The following FGD6 variants were observed in gnomAD, a reference collection of about 807,000 sequenced individuals.
FGD6 encodes FYVE, RhoGEF and PH domain containing 6.
In FGD6, 90 loss-of-function variants were observed where a neutral mutation model predicts 149.4. The observed-to-expected ratio is 0.60, with a 90% CI of 0.51 to 0.72. The LOEUF (loss-of-function observed/expected upper bound fraction) is 0.72, where lower values mean the gene tolerates loss of function less well. FGD6 is among the 30% of genes least tolerant of loss of function. The pLI is 0.00. For missense variants in FGD6, 1,437 were observed against 1,684.8 expected (o/e 0.85, Z 2.57); for synonymous variants, 527 against 584.0 (o/e 0.90, Z 1.41).
At chr12:95,192,908 A>G (rs972526991) in intron 2 of FGD6, among the ~76,000 whole-genome samples, 4 of 151,918 alleles carry the variant, frequency 2.6e-5, no homozygotes, top group Admixed American at 2.6e-4. Context: ...GGGCAATAAG[A>G]TGATCAGACT....
intron 8 of FGD6, among the ~76,000 whole-genome samples, chr12:95,125,359 G>A (rs953489695): frequency 6.6e-6 from 1 of 152,210 alleles, no homozygotes; most frequent in Non-Finnish European, 1.5e-5. Context: ...ATGGCTAGGT[G>A]TAGTGGCTCA....
chr12:95,121,432 A>G lies in FGD6; in HGVS notation c.3083-7731T>C, dbSNP rs182601760. ...ATCATTGCACTCCAGCCTGGGTAAT[A>G]AGAGTAAAATTCCGTCTCAAAAAAA... On this transcript the variant is annotated intron_variant, in intron 8 of 20. Transcript: ENST00000343958. Among the ~76,000 whole-genome samples, 872 of 138,576 alleles carry G rather than the reference A, an allele frequency of 6.3e-3. 11 individuals carry two copies. The highest frequency in any genetic ancestry group is 0.022 in the African/African-American group (816 of 36,476). The allele number at this position is 138,576 out of a possible 152,430, so 90.9% of individuals were successfully genotyped here.
At chr12:95,106,129 GTTA>G (rs1878612995) in intron 13 of FGD6, among the ~76,000 whole-genome samples, 1 of 151,846 alleles carries the variant, frequency 6.6e-6, no homozygotes, top group Admixed American at 6.6e-5. Flanking sequence ...ATTTGTTGTT[GTTA>G]TTATTTTTAA....
chr12:95,127,001 T>A (rs554376448), intron 8 of FGD6, among the ~76,000 whole-genome samples: 9 of 152,104 alleles, frequency 5.9e-5, no homozygotes, highest in Non-Finnish European at 8.8e-5. Flanking sequence ...GAATTCTGAA[T>A]TCTGAGTTGC....
chr12:95,118,427 T>C (rs1332419822), intron 8 of FGD6, among the ~76,000 whole-genome samples: 1 of 152,032 alleles, frequency 6.6e-6, no homozygotes, highest in Non-Finnish European at 1.5e-5. Flanking sequence ...ATCTAAGTTT[T>C]CTGTATAAGG....
chr12:95,106,732 G>A lies in FGD6; in HGVS notation c.3417+222C>T, dbSNP rs536324678. Among the ~76,000 whole-genome samples the A allele has an allele frequency of 6.6e-5, 10 of 151,806 alleles. No homozygotes were observed. In the South Asian group the frequency reaches 1.5e-3, roughly 22 times the overall value. On this transcript the variant is annotated intron_variant, in intron 13 of 20. Coordinates refer to ENST00000343958, the MANE Select transcript of FGD6 (RefSeq NM_018351.4). Reference sequence around the variant, plus strand: ...CAACATGGTGAAACCCGTCTCTACCGAAAATACAAAAATTAGCCAGGCGTG... The same window carrying A: ...CAACATGGTGAAACCCGTCTCTACCAAAAATACAAAAATTAGCCAGGCGTG...
rs149567746 is a variant in FGD6, at chr12:95,208,979, T to C, written c.2305A>G (p.Ile769Val). The change falls in exon 2 of 21, where the codon ATA becomes GTA. Residue 769 changes from isoleucine (I) to valine (V), a missense_variant. Ile to Val is a conservative substitution (Grantham distance 29). Coordinates refer to ENST00000343958, the MANE Select transcript of FGD6 (RefSeq NM_018351.4). Reference protein sequence around the residue: ...EYENLPFIMAIRKTQELEWQN... With the variant: ...EYENLPFIMAVRKTQELEWQN... ...CATTCCAACTCTTGAGTTTTCCGTA[T>C]AGCCATAATAAATGGCAAGTTCTCG... 6 of 1,614,162 alleles carry C rather than the reference T, an allele frequency of 3.7e-6. No individual in the cohort carries two copies. Among genetic ancestry groups the C allele is most frequent in the East Asian group, 4.5e-5 (2 of 44,882 alleles).
chr12:95,180,525 T>C (rs1881252058), intron 2 of FGD6, among the ~76,000 whole-genome samples: 1 of 151,916 alleles, frequency 6.6e-6, no homozygotes, highest in African/African-American at 2.4e-5. Context: ...CCCAGGCACT[T>C]GGGACAACAG....
intron 5 of FGD6, among the ~76,000 whole-genome samples, chr12:95,147,686 T>C (rs1483832960): frequency 5.9e-5 from 9 of 152,188 alleles, no homozygotes; most frequent in Admixed American, 2.0e-4. Flanking sequence ...AGTCTGGTTT[T>C]CCTATTAAGT....
intron 3 of FGD6, among the ~76,000 whole-genome samples, chr12:95,157,031 A>G (rs1415880530): frequency 6.6e-6 from 1 of 152,182 alleles, no homozygotes; most frequent in Non-Finnish European, 1.5e-5. Context: ...AATTACTGCT[A>G]AACCTAATAC....
intron 2 of FGD6, among the ~76,000 whole-genome samples, chr12:95,178,194 A>G (rs1881186375): frequency 6.6e-6 from 1 of 152,194 alleles, no homozygotes; most frequent in Non-Finnish European, 1.5e-5. Context: ...GTTTGGAAAC[A>G]TGGCACGACT....
intron 20 of FGD6, among the ~76,000 whole-genome samples, chr12:95,082,548 T>G (rs1028805646): frequency 6.6e-6 from 1 of 150,896 alleles, no homozygotes; most frequent in African/African-American, 2.4e-5. Flanking sequence ...TCCCAGCTAC[T>G]TGGGAGGCTG....
intron 8 of FGD6, chr12:95,126,409 CAAT>C: frequency 3.9e-6 from 5 of 1,274,802 alleles, no homozygotes; most frequent in Non-Finnish European, 5.4e-6. Flanking sequence ...ACTATAAAAA[CAAT>C]AAAGGTTCTT....
intron 2 of FGD6, among the ~76,000 whole-genome samples, chr12:95,201,996 ACAC>A (rs1330279946): frequency 1.6e-5 from 2 of 121,414 alleles, no homozygotes; most frequent in East Asian, 2.4e-4. Flanking sequence ...ACACACACAC[ACAC>A]ATCTTCTTCT....
chr12:95,119,735 C>A (rs533832609), intron 8 of FGD6, among the ~76,000 whole-genome samples: 7 of 152,232 alleles, frequency 4.6e-5, no homozygotes, highest in Non-Finnish European at 8.8e-5. Flanking sequence ...GTTTGAGACC[C>A]GCCTTGCCAA....
intron 13 of FGD6, among the ~76,000 whole-genome samples, chr12:95,106,003 C>CT (rs1878607242): frequency 6.6e-6 from 1 of 151,936 alleles, no homozygotes; most frequent in Admixed American, 6.6e-5. Flanking sequence ...GAGTGAGACT[C>CT]TGTCACAAAA....
intron 2 of FGD6, among the ~76,000 whole-genome samples, chr12:95,185,630 AG>A (rs1243348390): frequency 1.3e-5 from 2 of 152,182 alleles, no homozygotes; most frequent in African/African-American, 4.8e-5. Flanking sequence ...TGGGAGGCTG[AG>A]GCAGGAGGAT....
intron 2 of FGD6, among the ~76,000 whole-genome samples, chr12:95,184,835 G>A (rs1881382510): frequency 6.6e-6 from 1 of 151,740 alleles, no homozygotes; most frequent in South Asian, 2.1e-4. Context: ...TGCCCGCCTT[G>A]GCCTCCCAAA....
intron 2 of FGD6, among the ~76,000 whole-genome samples, chr12:95,208,015 C>A (rs559664030): frequency 6.6e-6 from 1 of 152,176 alleles, no homozygotes; most frequent in East Asian, 1.9e-4. Context: ...CTTTGGGAGG[C>A]AAAGGCAGGA....
Sources: allele counts gnomAD v4.1 joint callset (sites outside exome capture counted in the v4.1 genomes callset), GRCh38; gene constraint gnomAD v4.1.1; transcripts MANE v1.5; gene names NCBI Gene and HGNC (gene_info 2026-07-23, HGNC 2026-07-21).